Variants in UGT2A2 observed in about 807,000 individuals in gnomAD.
UGT2A2 encodes UDP-glucuronosyltransferase 2A2.
In UGT2A2, 60 loss-of-function variants were observed where a neutral mutation model predicts 50.7. That is an observed-to-expected ratio of 1.18 (90% CI 0.96 to 1.47). The LOEUF (loss-of-function observed/expected upper bound fraction) is 1.47. Among genes scored for constraint, UGT2A2 ranks in the 40% most tolerant of loss-of-function variants. The pLI is 0.00. For synonymous variants in UGT2A2, 242 were observed against 214.6 expected (o/e 1.13, Z -1.11); for missense variants, 762 against 634.0 (o/e 1.20, Z -2.17).
At chr4:69,616,223 G>A (rs1720370371) in intron 1 of UGT2A2, among the ~76,000 whole-genome samples, 2 of 151,856 alleles carry the variant, frequency 1.3e-5, no homozygotes, top group Non-Finnish European at 2.9e-5. Flanking sequence ...GTTACCAGAG[G>A]CTGGGAAAGG....
At chr4:69,615,798 C>T (rs1720344374) in intron 1 of UGT2A2, among the ~76,000 whole-genome samples, 1 of 151,946 alleles carries the variant, frequency 6.6e-6, no homozygotes, top group Admixed American at 6.6e-5. Flanking sequence ...AACCCTTGTG[C>T]ACTGTTGGTG....
intron 1 of UGT2A2, among the ~76,000 whole-genome samples, chr4:69,627,568 A>AG (rs1560486876): frequency 6.4e-4 from 96 of 148,868 alleles, no homozygotes; most frequent in African/African-American, 2.3e-3. Flanking sequence ...GAGAGAGAGA[A>AG]AGAAAGAGAG....
At chr4:69,589,886 T>C (rs1228586902) in intron 5 of UGT2A2, among the ~76,000 whole-genome samples, 1 of 152,128 alleles carries the variant, frequency 6.6e-6, no homozygotes, top group Non-Finnish European at 1.5e-5. Flanking sequence ...AAAAGTAGAG[T>C]AAGCCAGTTG....
intron 2 of UGT2A2, among the ~76,000 whole-genome samples, chr4:69,598,256 G>A (rs1185054726): frequency 6.6e-6 from 1 of 152,042 alleles, no homozygotes; most frequent in African/African-American, 2.4e-5. Flanking sequence ...CAGAAATTTA[G>A]TACTCTTATA....
chr4:69,616,183 G>A (rs984023907), intron 1 of UGT2A2, among the ~76,000 whole-genome samples: 1 of 151,690 alleles, frequency 6.6e-6, no homozygotes, highest in Non-Finnish European at 1.5e-5. Context: ...AACGAATGAA[G>A]ATATAGAGAA....
chr4:69,591,951 TTA>T, intron 5 of UGT2A2, among the ~76,000 whole-genome samples: 1 of 152,306 alleles, frequency 6.6e-6, no homozygotes, highest in African/African-American at 2.4e-5. Context: ...ATTTCTAAAA[TTA>T]TGACTTATAC....
chr4:69,597,896 T>C (rs1719034367), intron 2 of UGT2A2, among the ~76,000 whole-genome samples: 2 of 152,152 alleles, frequency 1.3e-5, no homozygotes, highest in Admixed American at 1.3e-4. Flanking sequence ...CCAAAGCCTA[T>C]ATCGATATTT....
intron 3 of UGT2A2, among the ~76,000 whole-genome samples, chr4:69,595,685 T>C (rs1449502407): frequency 1.3e-5 from 2 of 152,164 alleles, no homozygotes; most frequent in Non-Finnish European, 2.9e-5. Flanking sequence ...TAAGGTTAAT[T>C]GAATAACATA....
chr4:69,604,594 C>T (rs1719488727), intron 1 of UGT2A2, among the ~76,000 whole-genome samples: 2 of 136,348 alleles, frequency 1.5e-5, no homozygotes, highest in Non-Finnish European at 3.1e-5. Flanking sequence ...CATAAATGGG[C>T]TAAATGCTCC....
chr4:69,631,429 A>T (rs770115849), intron 1 of UGT2A2, among the ~76,000 whole-genome samples: 9 of 152,164 alleles, frequency 5.9e-5, no homozygotes, highest in Admixed American at 3.9e-4. Context: ...GAGTTACATC[A>T]TCATAAATTT....
intron 1 of UGT2A2, among the ~76,000 whole-genome samples, chr4:69,630,727 T>C (rs190756212): frequency 2.7e-4 from 41 of 152,252 alleles, no homozygotes; most frequent in African/African-American, 9.4e-4. Context: ...AAATTATATA[T>C]GTTTTATTAT....
At chr4:69,589,794 T>C (rs897189379) in intron 5 of UGT2A2, 143 bp from the exon 6 acceptor site, 66 of 1,257,342 alleles carry the variant, frequency 5.2e-5, no homozygotes, top group Non-Finnish European at 6.6e-5. Context: ...ACTTTGTTAG[T>C]TGTATAGGAT....
In UGT2A2 at chr4:69,599,290, A is replaced by C; in HGVS notation, c.847T>G (p.Phe283Val). The C allele has an allele frequency of 4.3e-6, 7 of 1,613,852 alleles. No homozygotes were observed. The highest frequency in any genetic ancestry group is 5.9e-6 in the Non-Finnish European group (7 of 1,179,908). Residue 283 changes from phenylalanine to valine, a missense_variant, in exon 2 of 6, where the codon TTT becomes GTT. Coordinates refer to ENST00000604629, the MANE Select transcript of UGT2A2 (RefSeq NM_001105677.2). ...GGTTTGCAGTGCAATCCTCCAACAA[A>C]CTCAAAATTAGGTAAGTATGGACGA... ...FPRPYLPNFE[F>V]VGGLHCKPAK...
chr4:69,639,093 G>A lies in UGT2A2; in HGVS notation c.548C>T (p.Ser183Phe), dbSNP rs753654274. The A allele has an allele frequency of 3.1e-6, 5 of 1,613,362 alleles. No homozygotes were observed. Among genetic ancestry groups the A allele is most frequent in the Non-Finnish European group, 3.4e-6 (4 of 1,179,696 alleles). ...GIPFMYTLRF[S>F]PASTVERHCG... is the part of the protein sequence containing the mutation. ...GTGTCTCTCCACTGTTGATGCTGGA[G>A]AGAACCTCAATGTGTACATAAATGG... Residue 183 changes from serine to phenylalanine, a missense_variant, in exon 1 of 6, where the codon TCT becomes TTT. Ser to Phe is a radical substitution (Grantham distance 155, BLOSUM62 -2). Transcript: ENST00000604629.
chr4:69,591,588 T>C (rs1228483174), intron 5 of UGT2A2, among the ~76,000 whole-genome samples: 2 of 152,124 alleles, frequency 1.3e-5, no homozygotes, highest in Non-Finnish European at 1.5e-5. Context: ...CAGAGAGGTA[T>C]ACTAAGGCAT....
intron 1 of UGT2A2, among the ~76,000 whole-genome samples, chr4:69,629,381 C>T (rs746796228): frequency 6.6e-6 from 1 of 152,028 alleles, no homozygotes; most frequent in Non-Finnish European, 1.5e-5. Context: ...ATACCTGGCT[C>T]CTAAGAGCTG....
At chr4:69,612,636 C>A (rs1720131659) in intron 1 of UGT2A2, among the ~76,000 whole-genome samples, 1 of 151,894 alleles carries the variant, frequency 6.6e-6, no homozygotes, top group African/African-American at 2.4e-5. Context: ...GGAAACCACT[C>A]CCTATTCAAT....
In UGT2A2 at chr4:69,639,263, A is replaced by G. The variant is rs762620280; in HGVS notation, c.378T>C (p.Thr126=). The stretch of plus-strand genomic sequence containing the variant: ...AGAGTTGTATGTTAATTTGAAAGAA[A>G]GTGTCTAGAAGTTTTCCTAGTTCTT... ...FYKELGKLLD[T]FFQINIQLCD... is the part of the protein sequence containing the mutation. Residue 126 remains threonine (T), a synonymous_variant, in exon 1 of 6, where the codon ACT becomes ACC. Coordinates refer to ENST00000604629, the MANE Select transcript of UGT2A2 (RefSeq NM_001105677.2). 3.7e-6 allele frequency: 6 copies of G among 1,613,714 alleles called. No individual in the cohort carries two copies. The South Asian group carries it at 5.5e-5, about 15-fold the overall frequency.
Position 69,589,016 on chromosome 4 carries a change from C to A in UGT2A2, c.*356G>T. 5.6e-6 allele frequency: 1 copy of A among 178,560 alleles called. No individual in the cohort carries two copies. The highest frequency in any genetic ancestry group is 1.2e-5 in the Non-Finnish European group (1 of 83,128). 11.1% of individuals were successfully genotyped at this position (178,560 alleles called of 1,614,324 possible). A position where few individuals can be genotyped will look rare whatever the true frequency, so the allele number is the denominator to read the frequency against. ...ATTCCATCTACACTGTATGCATTAC[C>A]AGGATTCAGCATATTGTTAATCATT... On this transcript the variant is annotated 3_prime_UTR_variant, in exon 6 of 6. Coordinates refer to ENST00000604629, the MANE Select transcript of UGT2A2 (RefSeq NM_001105677.2).
Sources: gnomAD v4.1 joint callset for allele counts (sites outside exome capture counted in the v4.1 genomes callset) on GRCh38, gnomAD v4.1.1 for gene constraint, MANE v1.5 for transcripts, NCBI Gene and HGNC (gene_info 2026-07-23, HGNC 2026-07-21) for gene names.